Variants in PRB4 observed in about 807,000 individuals in gnomAD.
PRB4 encodes proline rich protein BstNI subfamily 4, also known as basic salivary proline-rich protein 4.
In PRB4, 14 loss-of-function variants were observed where a neutral mutation model predicts 9.1. The observed-to-expected ratio is 1.54, with a 90% CI of 1.02 to 2.41. The LOEUF is 2.41. Ranked by LOEUF, PRB4 falls within the 30% of genes most tolerant of loss-of-function variation. The pLI, the probability that PRB4 is intolerant of heterozygous loss-of-function variation, is 0.00. For missense variants in PRB4, 381 were observed against 299.3 expected (o/e 1.27, Z -2.02); for synonymous variants, 102 against 108.5 (o/e 0.94, Z 0.37).
rs556160410 is a variant in PRB4 at position 11,308,676 on chromosome 12, G to C, written c.307C>G (p.Pro103Ala). Residue 103 changes from proline to alanine, a missense_variant, in exon 3 of 4, where the codon CCC becomes GCC. Pro to Ala is a conservative substitution (Grantham distance 27). Transcript: ENST00000279575. Reference sequence around the variant, plus strand: ...TGGGACTGGTTTCCTCCTTGTGGGGGTGGTCTTTCTGGCTTTCCTGGATGA... The same window carrying C: ...TGGGACTGGTTTCCTCCTTGTGGGGCTGGTCTTTCTGGCTTTCCTGGATGA... ...PPHPGKPERP[P>A]PQGGNQSQGT... 5.6e-6 allele frequency: 9 copies of C among 1,596,594 alleles called. No homozygotes were observed. Among genetic ancestry groups the C allele is most frequent in the Non-Finnish European group, 7.7e-6 (9 of 1,167,024 alleles).
At chr12:11,307,850 A>C (rs933566444) in intron 3 of PRB4, among the ~76,000 whole-genome samples, 3 of 152,218 alleles carry the variant, frequency 2.0e-5, no homozygotes, top group Non-Finnish European at 4.4e-5. Flanking sequence ...TTTGGCAGGA[A>C]TACTGGACTC....
At chr12:11,310,309 C>T (rs779494850) in intron 1 of PRB4, 26 bp downstream of exon 1, 8 of 1,613,884 alleles carry the variant, frequency 5.0e-6, no homozygotes, top group Admixed American at 3.3e-5. Flanking sequence ...AAGCAGTCAC[C>T]GCATCTTTTC....
rs773835436 is a variant in PRB4, at chr12:11,308,422, G to T, written c.561C>A (p.Pro187=). The change falls in exon 3 of 4, where the codon CCC becomes CCA. Residue 187 remains proline, a synonymous_variant. Transcript: ENST00000279575. ...RSPPGKPQGP[P]QQEGNKPQGP... ...CTTGAGGCTTGTTGCCTTCTTGTTGGGGTGGTCCTTGTGGCTTTCCTGGAG... is the reference window on the plus strand; with the variant it reads ...CTTGAGGCTTGTTGCCTTCTTGTTGTGGTGGTCCTTGTGGCTTTCCTGGAG... 3.1e-6 allele frequency: 5 copies of T among 1,613,578 alleles called. No homozygotes were observed. The highest frequency in any genetic ancestry group is 4.2e-6 in the Non-Finnish European group (5 of 1,179,818).
In PRB4 at chr12:11,308,373, G is replaced by A. The variant is rs759527009; in HGVS notation, c.610C>T (p.Gln204Ter). 3.0e-5 allele frequency: 48 copies of A among 1,600,248 alleles called. No homozygotes were observed. The highest frequency in any genetic ancestry group is 3.8e-5 in the Non-Finnish European group (44 of 1,169,202). The change falls in exon 3 of 4, where the codon CAA (glutamine) becomes TAA (stop). Residue 204 changes from glutamine to a stop codon, truncating the protein, a stop_gained. Coordinates refer to ENST00000279575, the MANE Select transcript of PRB4 (RefSeq NM_002723.6). LOFTEE classifies it low-confidence loss of function (END_TRUNC). ...TTGCCTCCTGCTGGGGGTGGGCCTT[G>A]TGGCTTTCCAGGAGGTGGGGGACCT... ...PQGPPPPGKP[Q>*]GPPPAGGNPQ...
At chr12:11,310,280 C>A (rs1297452806) in intron 1 of PRB4, 55 bp downstream of exon 1, 1 of 1,602,434 alleles carries the variant, frequency 6.2e-7, no homozygotes, top group East Asian at 2.2e-5. Flanking sequence ...ATAATTACCA[C>A]TGTCACCTCC....
chr12:11,309,012 C>G, intron 2 of PRB4, 130 bp from the exon 3 acceptor site: 1 of 1,382,778 alleles, frequency 7.2e-7, no homozygotes, highest in East Asian at 2.3e-5. Context: ...CAGTGAAGCC[C>G]TAGAACTCTG....
At position 11,310,434 on chromosome 12, in the gene PRB4, G is replaced by T. The variant is rs1182676347; in HGVS notation, c.-36C>A. 6 of 1,613,680 alleles carry T rather than the reference G, an allele frequency of 3.7e-6. No individual in the cohort carries two copies. Among genetic ancestry groups the T allele is most frequent in the Non-Finnish European group, 5.1e-6 (6 of 1,179,664 alleles). ...GCTCTGGAGTCACTCCCAACTCTGTGCTGGGAGGAACGTGGCAACTCCCTT... is the reference window on the plus strand; with the variant it reads ...GCTCTGGAGTCACTCCCAACTCTGTTCTGGGAGGAACGTGGCAACTCCCTT... On this transcript the variant is annotated 5_prime_UTR_variant, in exon 1 of 4. Coordinates refer to ENST00000279575, the MANE Select transcript of PRB4 (RefSeq NM_002723.6).
In PRB4 at chr12:11,308,553, G is replaced by T. The variant is rs758651286; in HGVS notation, c.430C>A (p.Pro144Thr). The part of the protein sequence containing the change: ...PPPPPGKPER[P>T]PPQGGNQSQG... ...GACTGGTTACCTCCTTGTGGGGGTG[G>T]TCTTTCTGGCTTTCCTGGAGGAGGT... The change falls in exon 3 of 4, where the codon CCA (proline) becomes ACA (threonine). Residue 144 changes from proline (P) to threonine (T), a missense_variant. This residue lies in a region of PRB4 where 204 missense variants were observed against 134.4 expected (regional missense o/e 1.52). Transcript: ENST00000279575. 1 of 1,583,304 alleles carries T rather than the reference G, an allele frequency of 6.3e-7. No homozygotes were observed. The highest frequency in any genetic ancestry group is 8.6e-7 in the Non-Finnish European group (1 of 1,157,570).
Position 11,308,609 on chromosome 12 carries a change from G to C in PRB4, c.374C>G (p.Pro125Arg). The change falls in exon 3 of 4, where the codon CCA (proline) becomes CGA (arginine). Residue 125 changes from proline to arginine, a missense_variant. Transcript: ENST00000279575. The part of the protein sequence containing the change: ...PPPGKPERPP[P>R]QGGNQSHRPP... ...ACGGTGGGACTGGTTGCCTCCTTGT[G>C]GGGGTGGTCTTTCTGGCTTTCCTGG... is the stretch of plus-strand genomic sequence containing the variant. 1 of 1,347,324 alleles carries C rather than the reference G, an allele frequency of 7.4e-7. No homozygotes were observed. Among genetic ancestry groups the C allele is most frequent in the South Asian group, 1.2e-5 (1 of 80,166 alleles). 83.5% of individuals were successfully genotyped at this position (1,347,324 alleles called of 1,614,324 possible). A position where few individuals can be genotyped will look rare whatever the true frequency, so the allele number is the denominator to read the frequency against.
intron 2 of PRB4, 92 bp downstream of exon 2, chr12:11,309,278 A>T: frequency 6.3e-7 from 1 of 1,596,356 alleles, no homozygotes; most frequent in Non-Finnish European, 8.6e-7. Context: ...AATTCCTGAA[A>T]GGAAAGTGTT....
rs556160410 is a variant in PRB4 at position 11,308,676 on chromosome 12, G to T, written c.307C>A (p.Pro103Thr). Reference sequence around the variant, plus strand: ...TGGGACTGGTTTCCTCCTTGTGGGGGTGGTCTTTCTGGCTTTCCTGGATGA... The same window carrying T: ...TGGGACTGGTTTCCTCCTTGTGGGGTTGGTCTTTCTGGCTTTCCTGGATGA... The part of the protein sequence containing the change: ...PPHPGKPERP[P>T]PQGGNQSQGT... Residue 103 changes from proline (P) to threonine (T), a missense_variant, in exon 3 of 4, where the codon CCC becomes ACC. Physicochemically the swap from Pro to Thr is conservative, Grantham distance 38. This residue lies in a region of PRB4 where 26 missense variants were observed against 59.1 expected (regional missense o/e 0.44). Coordinates refer to ENST00000279575, the MANE Select transcript of PRB4 (RefSeq NM_002723.6). 4 of 1,596,594 alleles carry T rather than the reference G, an allele frequency of 2.5e-6. No homozygotes were observed. The Admixed American group carries it at 5.0e-5, about 20-fold the overall frequency.
At chr12:11,308,132 G>A (rs536170486) in intron 3 of PRB4, 89 bp downstream of exon 3, 8 of 1,443,756 alleles carry the variant, frequency 5.5e-6, no homozygotes, top group Admixed American at 4.0e-5. Context: ...ACAATACAAT[G>A]TCAATGGGTT....
In PRB4 at chr12:11,308,534, T is replaced by G. The variant is rs1862966846; in HGVS notation, c.449A>C (p.Asn150Thr). 6.3e-7 allele frequency: 1 copy of G among 1,580,710 alleles called. No homozygotes were observed. Among genetic ancestry groups the G allele is most frequent in the East Asian group, 2.3e-5 (1 of 43,350 alleles). ...KPERPPPQGG[N>T]QSQGPPPHPG... Reference sequence around the variant, plus strand: ...ATGAGGTGGGGGACCTTGGGACTGGTTACCTCCTTGTGGGGGTGGTCTTTC... The same window carrying G: ...ATGAGGTGGGGGACCTTGGGACTGGGTACCTCCTTGTGGGGGTGGTCTTTC... Residue 150 changes from asparagine (N) to threonine (T), a missense_variant, in exon 3 of 4, where the codon AAC becomes ACC. Transcript: ENST00000279575.
chr12:11,309,032 G>A, intron 2 of PRB4, 150 bp from the exon 3 acceptor site: 3 of 1,206,694 alleles, frequency 2.5e-6, no homozygotes, highest in Non-Finnish European at 3.5e-6. Context: ...GGAGTGGAAC[G>A]CTGGGGGAAA....
At position 11,309,313 on chromosome 12, in the gene PRB4, T is replaced by C. The variant is rs111346168; in HGVS notation, c.100+57A>G. On this transcript the variant is annotated intron_variant, in intron 2 of 3. Transcript: ENST00000279575. ...TGATAAGAAGACACTGGAGAAATGA[T>C]CCATTTGTAAGCAGAAAAAGGGAGT... The C allele has an allele frequency of 3.9e-3, 6,294 of 1,613,178 alleles. 16 individuals carry two copies. The highest frequency in any genetic ancestry group is 7.4e-3 in the Middle Eastern group (45 of 6,058).
intron 1 of PRB4, 138 bp from the exon 2 acceptor site, chr12:11,309,543 G>T (rs1293466861): frequency 2.0e-6 from 3 of 1,527,268 alleles, no homozygotes; most frequent in Non-Finnish European, 9.0e-7. Context: ...ATCTGTGAAG[G>T]TGCTGGAAGG....
chr12:11,309,915 A>G (rs1293568966), intron 1 of PRB4, among the ~76,000 whole-genome samples: 1 of 152,126 alleles, frequency 6.6e-6, no homozygotes, highest in African/African-American at 2.4e-5. Flanking sequence ...TGTTCTATCC[A>G]GTTCTGTCTC....
In PRB4 at chr12:11,308,400, G is replaced by C; in HGVS notation, c.583C>G (p.Gln195Glu). 6.2e-7 allele frequency: 1 copy of C among 1,613,164 alleles called. No individual in the cohort carries two copies. The change falls in exon 3 of 4, where the codon CAA (glutamine) becomes GAA (glutamate). Residue 195 changes from glutamine to glutamate, a missense_variant. Transcript: ENST00000279575. ...GPPQQEGNKP[Q>E]GPPPPGKPQG... ...GGCTTTCCAGGAGGTGGGGGACCTTGAGGCTTGTTGCCTTCTTGTTGGGGT... is the reference window on the plus strand; with the variant it reads ...GGCTTTCCAGGAGGTGGGGGACCTTCAGGCTTGTTGCCTTCTTGTTGGGGT...
At chr12:11,309,895 C>T (rs1181706324) in intron 1 of PRB4, among the ~76,000 whole-genome samples, 1 of 152,162 alleles carries the variant, frequency 6.6e-6, no homozygotes, top group Admixed American at 6.5e-5. Context: ...TTTAGTTAGA[C>T]AGAGACAAGT....
Sources: allele counts gnomAD v4.1 joint callset (sites outside exome capture counted in the v4.1 genomes callset), GRCh38; gene constraint gnomAD v4.1.1; regional missense constraint gnomAD v4.1.1; transcripts MANE v1.5; gene names NCBI Gene and HGNC (gene_info 2026-07-23, HGNC 2026-07-21).